EGFLAM: variants seen among roughly 807,000 people sequenced by gnomAD.
EGFLAM encodes EGF like, fibronectin type III and laminin G domains.
EGFLAM carries 79 observed loss-of-function variants against 113.1 expected under a neutral mutation model. That is an observed-to-expected ratio of 0.70 (90% confidence interval 0.58 to 0.84). EGFLAM has a LOEUF of 0.84. Ranked by LOEUF, EGFLAM falls within the 40% of genes least tolerant of loss-of-function variation. The pLI, the probability that EGFLAM is intolerant of heterozygous loss-of-function variation, is 0.00. For missense variants in EGFLAM, 1,265 were observed against 1,291.6 expected, an observed-to-expected ratio of 0.98 and a Z score of 0.32; for synonymous variants, 504 against 487.6, an observed-to-expected ratio of 1.03 and a Z score of -0.44.
At chr5:38,371,614 A>G (rs940204732) in intron 6 of EGFLAM, among the ~76,000 whole-genome samples, 9 of 151,062 alleles carry the variant, frequency 6.0e-5, no homozygotes, top group South Asian at 2.1e-4. Context: ...ACACATGCGC[A>G]CACACACATA....
At chr5:38,302,946 A>G (rs1434784205) in intron 1 of EGFLAM, among the ~76,000 whole-genome samples, 2 of 152,162 alleles carry the variant, frequency 1.3e-5, no homozygotes, top group Admixed American at 6.6e-5. Context: ...AACAGCCCAG[A>G]TTCAATAATG....
chr5:38,438,755 A>C (rs890824585), intron 17 of EGFLAM, among the ~76,000 whole-genome samples: 7 of 152,222 alleles, frequency 4.6e-5, no homozygotes, highest in African/African-American at 1.7e-4. Context: ...AACCCATAAC[A>C]GAGTAGGGGT....
intron 6 of EGFLAM, among the ~76,000 whole-genome samples, chr5:38,389,832 A>G (rs1561063054): frequency 6.6e-6 from 1 of 152,164 alleles, no homozygotes; most frequent in Non-Finnish European, 1.5e-5. Flanking sequence ...TTTACTTAGC[A>G]TTCTGACAGA....
intron 1 of EGFLAM, among the ~76,000 whole-genome samples, chr5:38,310,832 T>C (rs540031355): frequency 3.9e-5 from 6 of 152,286 alleles, no homozygotes; most frequent in Admixed American, 3.9e-4. Flanking sequence ...ATAAACTCTT[T>C]CCTTGTCACA....
At chr5:38,459,010 C>G (rs1388814319) in intron 20 of EGFLAM, among the ~76,000 whole-genome samples, 3 of 151,746 alleles carry the variant, frequency 2.0e-5, no homozygotes, top group Admixed American at 6.6e-5. Context: ...ATTGTACAGG[C>G]AATCCTCCCC....
At chr5:38,431,144 A>G in intron 14 of EGFLAM, 33 bp from the exon 15 acceptor site, 1 of 1,591,224 alleles carries the variant, frequency 6.3e-7, no homozygotes, top group East Asian at 2.2e-5. Context: ...TCAACTCGAT[A>G]CATAAAAATA....
chr5:38,401,467 C>T (rs1366908586), intron 6 of EGFLAM, among the ~76,000 whole-genome samples: 2 of 152,144 alleles, frequency 1.3e-5, no homozygotes, highest in East Asian at 3.9e-4. Flanking sequence ...GGTTTCCATG[C>T]TTGTGAAATG....
chr5:38,405,337 G>T (rs1215298403), intron 6 of EGFLAM, among the ~76,000 whole-genome samples: 1 of 151,966 alleles, frequency 6.6e-6, no homozygotes, highest in Non-Finnish European at 1.5e-5. Flanking sequence ...TTATGTGTTT[G>T]TCCTGCTTTT....
intron 12 of EGFLAM, among the ~76,000 whole-genome samples, chr5:38,419,323 G>A (rs762480759): frequency 2.6e-5 from 4 of 152,130 alleles, no homozygotes; most frequent in Non-Finnish European, 4.4e-5. Flanking sequence ...ACTCTGGGTC[G>A]ATATCCCTAT....
At chr5:38,390,178 C>G (rs1740774726) in intron 6 of EGFLAM, among the ~76,000 whole-genome samples, 1 of 152,162 alleles carries the variant, frequency 6.6e-6, no homozygotes, top group African/African-American at 2.4e-5. Context: ...CCCCCCATCA[C>G]TTTTAATTCT....
intron 5 of EGFLAM, among the ~76,000 whole-genome samples, chr5:38,359,982 T>G (rs1382792747): frequency 3.3e-5 from 5 of 152,200 alleles, no homozygotes; most frequent in African/African-American, 1.2e-4. Context: ...ACTTTCAAGG[T>G]CATGCAACCT....
intron 21 of EGFLAM, 50 bp from the exon 22 acceptor site, chr5:38,463,782 G>A: frequency 6.2e-7 from 1 of 1,600,806 alleles, no homozygotes; most frequent in Non-Finnish European, 8.5e-7. Context: ...ACCTTGCCCT[G>A]CGGACACCTG....
chr5:38,318,738 A>G (rs903233008), intron 1 of EGFLAM, among the ~76,000 whole-genome samples: 6 of 152,048 alleles, frequency 3.9e-5, no homozygotes, highest in African/African-American at 1.4e-4. Flanking sequence ...TCCTGACCTC[A>G]GGTGATCTAC....
At chr5:38,274,745 T>TA (rs1235900767) in intron 1 of EGFLAM, among the ~76,000 whole-genome samples, 1 of 151,930 alleles carries the variant, frequency 6.6e-6, no homozygotes, top group African/African-American at 2.4e-5. Context: ...CAATGAGTAA[T>TA]AAAAAAAATC....
At position 38,317,585 on chromosome 5, in the gene EGFLAM, C is replaced by G. The variant is rs1026239818; in HGVS notation, c.98-19935C>G. ...AAGTTCATATCCCAGAACCATGAGT[C>G]TAAGTTTCCAGCTTTTTGGGAAAAG... On this transcript the variant is annotated intron_variant, in intron 1 of 21. Transcript: ENST00000322350. Among the ~76,000 whole-genome samples the G allele has an allele frequency of 5.9e-5, 9 of 152,270 alleles. No homozygotes were observed. In the Middle Eastern group the frequency reaches 0.01, roughly 174 times the overall value.
intron 1 of EGFLAM, among the ~76,000 whole-genome samples, chr5:38,315,353 A>G (rs1316689920): frequency 2.6e-5 from 4 of 152,162 alleles, no homozygotes; most frequent in Non-Finnish European, 5.9e-5. Flanking sequence ...TCAGTCATGC[A>G]TATGTTTTCT....
intron 6 of EGFLAM, among the ~76,000 whole-genome samples, chr5:38,378,953 G>A (rs1490883432): frequency 6.6e-6 from 1 of 152,324 alleles, no homozygotes; most frequent in Admixed American, 6.5e-5. Flanking sequence ...TTCCCTCCAT[G>A]CCTAGTTACT....
rs374396000 is a variant in EGFLAM, at chr5:38,258,807, T to A, written c.53T>A (p.Leu18His). 2 of 1,612,554 alleles carry A rather than the reference T, an allele frequency of 1.2e-6. No individual in the cohort carries two copies. The highest frequency in any genetic ancestry group is 1.7e-4 in the Middle Eastern group (1 of 6,040). The change falls in exon 1 of 22, where the codon CTC (leucine) becomes CAC (histidine). Residue 18 changes from leucine to histidine, a missense_variant. By Grantham distance (99) the Leu-to-His change is moderately conservative. Coordinates refer to ENST00000322350, the MANE Select transcript of EGFLAM (RefSeq NM_152403.4). Reference protein sequence around the residue: ...LLRLLLLASSLGPGAVSLRAA... With the variant: ...LLRLLLLASSHGPGAVSLRAA... ...CGGCTCCTGCTCCTGGCTTCCAGCC[T>A]CGGACCCGGCGCGGTGTCGCTCCGA... is the stretch of plus-strand genomic sequence containing the variant.
At chr5:38,313,095 AAAAAT>A (rs1480168152) in intron 1 of EGFLAM, among the ~76,000 whole-genome samples, 1 of 152,186 alleles carries the variant, frequency 6.6e-6, no homozygotes, top group East Asian at 1.9e-4. Flanking sequence ...CTGTCTCAAA[AAAAAT>A]AAAATAAAAT....
Sources: allele counts gnomAD v4.1 joint callset (sites outside exome capture counted in the v4.1 genomes callset), GRCh38; gene constraint gnomAD v4.1.1; transcripts MANE v1.5; gene names NCBI Gene and HGNC (gene_info 2026-07-23, HGNC 2026-07-21).